The following GAL3ST2 variants were observed in gnomAD, a reference collection of about 807,000 sequenced individuals.
The protein encoded by GAL3ST2 is beta-galactose-3-O-sulfotransferase 2.
Under a neutral mutation model 12.9 loss-of-function variants are expected in GAL3ST2, and 16 were observed. That is an observed-to-expected ratio of 1.24 (90% CI 0.84 to 1.88). The LOEUF (loss-of-function observed/expected upper bound fraction) is 1.88. Among genes scored for constraint, GAL3ST2 ranks in the 40% most tolerant of loss-of-function variants. The pLI, the probability that GAL3ST2 is intolerant of heterozygous loss-of-function variation, is 0.00. For synonymous variants in GAL3ST2, 302 were observed against 273.9 expected (o/e 1.10, Z -1.01); for missense variants, 639 against 571.8 (o/e 1.12, Z -1.20).
chr2:241,792,501 C>A (rs1699704959), intron 1 of GAL3ST2, among the ~76,000 whole-genome samples: 1 of 152,030 alleles, frequency 6.6e-6, no homozygotes, highest in South Asian at 2.1e-4. Context: ...AGTTATGTGG[C>A]CTATATCGAT....
At chr2:241,778,573 C>T (rs1412340244) in intron 1 of GAL3ST2, among the ~76,000 whole-genome samples, 1 of 152,096 alleles carries the variant, frequency 6.6e-6, no homozygotes, top group Non-Finnish European at 1.5e-5. Context: ...TGGTACAGAG[C>T]CCATGGGGGT....
rs1699493624 is a variant in GAL3ST2 at position 241,776,835 on chromosome 2, C to G, written c.-121C>G. 1.2e-6 allele frequency: 1 copy of G among 804,644 alleles called. No individual in the cohort carries two copies. Among genetic ancestry groups the G allele is most frequent in the Admixed American group, 4.2e-5 (1 of 23,982 alleles). 49.8% of individuals were successfully genotyped at this position (804,644 alleles called of 1,614,324 possible). On this transcript the variant is annotated 5_prime_UTR_variant, in exon 1 of 4. Transcript: ENST00000192314. Reference sequence around the variant, plus strand: ...TCTGGGGATTCCAGTTCACCTGCCCCACAGCCGCACCCTGCCTGTGCCTGC... The same window carrying G: ...TCTGGGGATTCCAGTTCACCTGCCCGACAGCCGCACCCTGCCTGTGCCTGC...
chr2:241,778,375 G>A (rs975186828), intron 1 of GAL3ST2, among the ~76,000 whole-genome samples: 9 of 152,236 alleles, frequency 5.9e-5, no homozygotes, highest in Non-Finnish European at 1.2e-4. Context: ...GTGAGGCCTA[G>A]TCTTGACCAC....
chr2:241,777,836 C>T (rs1311980434), intron 1 of GAL3ST2, among the ~76,000 whole-genome samples: 1 of 152,162 alleles, frequency 6.6e-6, no homozygotes, highest in Non-Finnish European at 1.5e-5. Context: ...ATCAGGCTCA[C>T]TTGATTAGCT....
Position 241,803,575 on chromosome 2 carries a change from C to T in GAL3ST2, c.606C>T (p.Asn202=), listed in dbSNP as rs757348903. ...GGTTCGACTTCGGCTTCGACCCCAACGCGCAGTGCGAGGAGGGCTACGTGC... is the reference window on the plus strand; with the variant it reads ...GGTTCGACTTCGGCTTCGACCCCAATGCGCAGTGCGAGGAGGGCTACGTGC... ...NMWFDFGFDP[N]AQCEEGYVRA... Residue 202 remains asparagine, a synonymous_variant, in exon 4 of 4, where the codon AAC becomes AAT. Coordinates refer to ENST00000192314, the MANE Select transcript of GAL3ST2 (RefSeq NM_022134.3). 6.9e-6 allele frequency: 11 copies of T among 1,593,430 alleles called. No homozygotes were observed. The highest frequency in any genetic ancestry group is 1.7e-4 in the Middle Eastern group (1 of 6,038).
intron 1 of GAL3ST2, among the ~76,000 whole-genome samples, chr2:241,792,580 A>G (rs539627894): frequency 3.9e-5 from 6 of 152,180 alleles, no homozygotes; most frequent in African/African-American, 1.4e-4. Flanking sequence ...CTTCTAGGAC[A>G]TGAGACTTCA....
chr2:241,789,307 A>G (rs1186220068), intron 1 of GAL3ST2, among the ~76,000 whole-genome samples: 6 of 152,092 alleles, frequency 3.9e-5, no homozygotes, highest in Admixed American at 6.6e-5. Context: ...TGTGTGATGT[A>G]TATGTCTGTG....
Position 241,795,986 on chromosome 2 carries a change from C to T in GAL3ST2, c.30-3079C>T, listed in dbSNP as rs1442692012. Among the ~76,000 whole-genome samples, 2 of 152,200 alleles carry T rather than the reference C, an allele frequency of 1.3e-5. No individual in the cohort carries two copies. The highest frequency in any genetic ancestry group is 2.9e-5 in the Non-Finnish European group (2 of 68,038). ...GGCCTGGAAGCTCCTGTCCCGTCTCCTAGAAGCGTGGCTGTGGTGGCACTG... is the reference window on the plus strand; with the variant it reads ...GGCCTGGAAGCTCCTGTCCCGTCTCTTAGAAGCGTGGCTGTGGTGGCACTG... On this transcript the variant is annotated intron_variant, in intron 1 of 3. Transcript: ENST00000192314. The surrounding 1 kb of genome is among the most constrained non-coding windows in gnomAD (Gnocchi z 4.5).
In GAL3ST2 at chr2:241,801,806, C is replaced by A; in HGVS notation, c.145C>A (p.Pro49Thr). The change falls in exon 3 of 4, where the codon CCG becomes ACG. Residue 49 changes from proline to threonine, a missense_variant. Pro to Thr is a conservative substitution (Grantham distance 38). Transcript: ENST00000192314. This position sits in a 1 kb window ranked among gnomAD's most constrained non-coding sequence, Gnocchi z 4.4. ...TPLFGGQAEG[P>T]PVTNIMFLKT... ...CCTGTTTGGGGGCCAGGCTGAGGGG[C>A]CGCCGGTCACCAACATCATGTTCCT... 2 of 1,612,654 alleles carry A rather than the reference C, an allele frequency of 1.2e-6. No homozygotes were observed. The highest frequency in any genetic ancestry group is 1.7e-6 in the Non-Finnish European group (2 of 1,179,898).
In GAL3ST2 at chr2:241,801,482, T is replaced by G; in HGVS notation, c.120-299T>G. ...TTTTAAGGTGGGTCTGGGGTCCCCTTGGCCAAGATGGGGTTCATTTAGGGT... is the reference window on the plus strand; with the variant it reads ...TTTTAAGGTGGGTCTGGGGTCCCCTGGGCCAAGATGGGGTTCATTTAGGGT... On this transcript the variant is annotated intron_variant, in intron 2 of 3. Transcript: ENST00000192314. This position sits in a 1 kb window ranked among gnomAD's most constrained non-coding sequence, Gnocchi z 4.4. The G allele has an allele frequency of 4.3e-6, 2 of 462,182 alleles. No individual in the cohort carries two copies. Among genetic ancestry groups the G allele is most frequent in the Non-Finnish European group, 7.7e-6 (2 of 258,392 alleles). 28.6% of individuals were successfully genotyped at this position (462,182 alleles called of 1,614,324 possible).
intron 1 of GAL3ST2, among the ~76,000 whole-genome samples, chr2:241,787,290 C>T (rs1575362866): frequency 6.6e-6 from 1 of 152,240 alleles, no homozygotes; most frequent in East Asian, 1.9e-4. Flanking sequence ...TGCGCATCGT[C>T]AACCTTGGCG....
rs75740353 is a variant in GAL3ST2 at position 241,802,271 on chromosome 2, G to A, written c.375+235G>A. ...GAGACCTGGGAGCCCCACAGCCCCT[G>A]CCCAAGGGCGTCCCCAGCGCTCCCC... On this transcript the variant is annotated intron_variant, in intron 3 of 3. Coordinates refer to ENST00000192314, the MANE Select transcript of GAL3ST2 (RefSeq NM_022134.3). The surrounding 1 kb of genome is among the most constrained non-coding windows in gnomAD (Gnocchi z 4.8). Among the ~76,000 whole-genome samples the A allele has an allele frequency of 0.1, 15,901 of 152,252 alleles. 944 individuals are homozygous for A. Among genetic ancestry groups the A allele is most frequent in the African/African-American group, 0.14 (5,774 of 41,544 alleles).
At chr2:241,778,959 G>A (rs1699528617) in intron 1 of GAL3ST2, among the ~76,000 whole-genome samples, 1 of 152,060 alleles carries the variant, frequency 6.6e-6, no homozygotes, top group Non-Finnish European at 1.5e-5. Flanking sequence ...TGAGCAGAGG[G>A]GAGACTTTGA....
rs1455334819 is a variant in GAL3ST2, at chr2:241,803,881, C to A, written c.912C>A (p.Arg304=). 7.0e-7 allele frequency: 1 copy of A among 1,419,052 alleles called. No homozygotes were observed. The highest frequency in any genetic ancestry group is 1.6e-5 in the South Asian group (1 of 62,788). The allele number at this position is 1,419,052 out of a possible 1,614,324, so 87.9% of individuals were successfully genotyped here. A position where few individuals can be genotyped will look rare whatever the true frequency, so the allele number is the denominator to read the frequency against. Residue 304 remains arginine, a synonymous_variant, in exon 4 of 4, where the codon CGC becomes CGA. Transcript: ENST00000192314. Reference sequence around the variant, plus strand: ...CCGAGCTGGGGCCGCGGCGGCTGCGCGGGGAGGTGGAGCGGCTGCGCGCCC... The same window carrying A: ...CCGAGCTGGGGCCGCGGCGGCTGCGAGGGGAGGTGGAGCGGCTGCGCGCCC... ...LRAELGPRRL[R]GEVERLRARR... is the part of the protein sequence containing the mutation.
chr2:241,779,855 G>A lies in GAL3ST2; in HGVS notation c.29+2871G>A, dbSNP rs188183262. On this transcript the variant is annotated intron_variant, in intron 1 of 3. Transcript: ENST00000192314. ...TACAAAATTAGCCGGGCATGGTGGT[G>A]CATGCCTGTAATCCCAGTTACTCAG... is the stretch of plus-strand genomic sequence containing the variant. Among the ~76,000 whole-genome samples, 389 of 152,016 alleles carry A rather than the reference G, an allele frequency of 2.6e-3. 16 individuals carry two copies. In the East Asian group the frequency reaches 0.06, roughly 23 times the overall value.
chr2:241,788,475 CT>C (rs1273449797), intron 1 of GAL3ST2, among the ~76,000 whole-genome samples: 1 of 152,012 alleles, frequency 6.6e-6, no homozygotes, highest in Non-Finnish European at 1.5e-5. Context: ...TTCTTTATTG[CT>C]TTTCTCCCAA....
rs1196859554 is a variant in GAL3ST2, at chr2:241,795,385, T to A, written c.30-3680T>A. Among the ~76,000 whole-genome samples the A allele has an allele frequency of 1.3e-5, 2 of 152,128 alleles. No homozygotes were observed. The highest frequency in any genetic ancestry group is 3.9e-4 in the East Asian group (2 of 5,190). On this transcript the variant is annotated intron_variant, in intron 1 of 3. Transcript: ENST00000192314. This position sits in a 1 kb window ranked among gnomAD's most constrained non-coding sequence, Gnocchi z 4.5. ...TGCTGCCGCAAGGCCAAGGGGGGTA[T>A]TGTAAGTGTGAAAGCAGCATCTCAA...
At chr2:241,782,111 G>A (rs576227757) in intron 1 of GAL3ST2, among the ~76,000 whole-genome samples, 1 of 152,276 alleles carries the variant, frequency 6.6e-6, no homozygotes, top group African/African-American at 2.4e-5. Context: ...TTATTTAGGA[G>A]TTGGTTGATG....
chr2:241,796,298 C>T (rs958348555), intron 1 of GAL3ST2, among the ~76,000 whole-genome samples: 9 of 151,988 alleles, frequency 5.9e-5, no homozygotes, highest in East Asian at 1.9e-4. Flanking sequence ...CCCAGCACCC[C>T]GAGTGTGGTC....
Sources: gnomAD v4.1 joint callset for allele counts (sites outside exome capture counted in the v4.1 genomes callset) on GRCh38, gnomAD v4.1.1 for gene constraint, Gnocchi (gnomAD v3.1) non-coding constraint, MANE v1.5 for transcripts, NCBI Gene and HGNC (gene_info 2026-07-23, HGNC 2026-07-21) for gene names.